WSB2: variants seen among roughly 807,000 people sequenced by gnomAD.
WSB2 encodes the protein WD repeat and SOCS box-containing protein 2.
In WSB2, 12 loss-of-function variants were observed where a neutral mutation model predicts 48.8. The ratio of observed to expected loss-of-function variants is 0.25; its 90% CI spans 0.16 to 0.40. The LOEUF (loss-of-function observed/expected upper bound fraction) is 0.40. Ranked by LOEUF, WSB2 falls within the 10% of genes least tolerant of loss-of-function variation. The pLI, the probability that WSB2 is intolerant of heterozygous loss-of-function variation, is 1.00. For synonymous variants in WSB2, 191 were observed against 203.1 expected (o/e 0.94, Z 0.51); for missense variants, 317 against 506.2 (o/e 0.63, Z 3.59).
chr12:118,058,548 T>G (rs1164328949), intron 1 of WSB2, among the ~76,000 whole-genome samples: 1 of 151,894 alleles, frequency 6.6e-6, no homozygotes, highest in Non-Finnish European at 1.5e-5. Flanking sequence ...GATGGGGTTT[T>G]GCCATGCTGC....
rs1375714083 is a variant in WSB2 at position 118,060,492 on chromosome 12, C to T, written c.13+544G>A. Among the ~76,000 whole-genome samples the T allele has an allele frequency of 6.6e-6, 1 of 152,128 alleles. No individual in the cohort carries two copies. Among genetic ancestry groups the T allele is most frequent in the East Asian group, 1.9e-4 (1 of 5,168 alleles). On this transcript the variant is annotated intron_variant, in intron 1 of 8. Transcript: ENST00000315436. The surrounding 1 kb of genome is among the most constrained non-coding windows in gnomAD (Gnocchi z 4.1). The stretch of plus-strand genomic sequence containing the variant: ...AATAGGGAACCCAGACCCCAGACCC[C>T]ATTTTTACCGGGTCCCAGCCACCCT...
chr12:118,048,949 C>T (rs993469128), intron 2 of WSB2, among the ~76,000 whole-genome samples: 2 of 152,160 alleles, frequency 1.3e-5, no homozygotes, highest in Admixed American at 6.5e-5. Flanking sequence ...CAAGCCCAGG[C>T]CCTTCCTTCT....
intron 4 of WSB2, among the ~76,000 whole-genome samples, chr12:118,039,245 T>G (rs960568935): frequency 3.3e-5 from 5 of 152,262 alleles, no homozygotes; most frequent in African/African-American, 1.2e-4. Flanking sequence ...CCCTGCTAAT[T>G]CAGCAGATAA....
chr12:118,058,509 C>T (rs993216974), intron 1 of WSB2, among the ~76,000 whole-genome samples: 3 of 151,710 alleles, frequency 2.0e-5, no homozygotes, highest in African/African-American at 4.8e-5. Flanking sequence ...CTACCATGCA[C>T]GCGCCTATAG....
Position 118,043,390 on chromosome 12 carries a change from G to T in WSB2, c.183-13C>A. ...CCCTTTAGGGATGCTGGGAGAAGCA[G>T]AGATTTCTTAATGAATCTGCAATTG... is the stretch of plus-strand genomic sequence containing the variant. On this transcript the variant is annotated splice_polypyrimidine_tract_variant and intron_variant, in intron 2 of 8. Coordinates refer to ENST00000315436, the MANE Select transcript of WSB2 (RefSeq NM_018639.5). 1 of 1,527,126 alleles carries T rather than the reference G, an allele frequency of 6.5e-7. No individual in the cohort carries two copies. The allele number at this position is 1,527,126 out of a possible 1,614,324, so 94.6% of individuals were successfully genotyped here.
At chr12:118,049,406 A>ATT (rs999482589) in intron 2 of WSB2, among the ~76,000 whole-genome samples, 3 of 146,550 alleles carry the variant, frequency 2.0e-5, no homozygotes, top group South Asian at 2.2e-4. Context: ...CATTTCTGAG[A>ATT]TTTTTTTTTT....
chr12:118,035,380 C>G, intron 6 of WSB2, 56 bp from the exon 7 acceptor site: 1 of 1,509,490 alleles, frequency 6.6e-7, no homozygotes, highest in Non-Finnish European at 9.2e-7. Flanking sequence ...TCTCCACCCT[C>G]CATCATCACC....
At chr12:118,038,189 G>T in intron 5 of WSB2, 99 bp downstream of exon 5, 1 of 1,159,146 alleles carries the variant, frequency 8.6e-7, no homozygotes, top group Non-Finnish European at 1.2e-6. Flanking sequence ...TTCTATTGGG[G>T]TGGATTTGCG....
In WSB2 at chr12:118,040,379, A is replaced by G. The variant is rs564887539; in HGVS notation, c.560-1991T>C. Among the ~76,000 whole-genome samples, 12 of 152,226 alleles carry G rather than the reference A, an allele frequency of 7.9e-5. No individual in the cohort carries two copies. In the South Asian group the frequency reaches 2.3e-3, roughly 29 times the overall value. ...CACTCTCACTTGGTCTTTCCTTCCA[A>G]GTCATCAAGTGATTTCCAGAGCCAC... On this transcript the variant is annotated intron_variant, in intron 4 of 8. Coordinates refer to ENST00000315436, the MANE Select transcript of WSB2 (RefSeq NM_018639.5).
intron 2 of WSB2, 29 bp from the exon 3 acceptor site, chr12:118,043,406 T>A (rs755777268): frequency 1.3e-6 from 2 of 1,522,072 alleles, no homozygotes; most frequent in Non-Finnish European, 8.8e-7. Flanking sequence ...TCTTAATGAA[T>A]CTGCAATTGT....
intron 4 of WSB2, among the ~76,000 whole-genome samples, chr12:118,039,743 TA>T (rs1201941206): frequency 3.3e-5 from 5 of 151,886 alleles, no homozygotes; most frequent in South Asian, 2.1e-4. Context: ...ATTTCTTTTT[TA>T]TTTTTTTTTA....
upstream of WSB2, chr12:118,061,201 C>T (rs1156858585): frequency 8.2e-6 from 8 of 980,346 alleles, no homozygotes; most frequent in African/African-American, 1.1e-4. Context: ...GCGGTGGGCG[C>T]GGGCGGAGAC....
intron 4 of WSB2, 23 bp downstream of exon 4, chr12:118,042,818 A>G (rs957794833): frequency 6.2e-7 from 1 of 1,609,276 alleles, no homozygotes; most frequent in East Asian, 2.2e-5. Flanking sequence ...GGAGTTGCCG[A>G]GTAGTTCCTT....
intron 2 of WSB2, among the ~76,000 whole-genome samples, chr12:118,051,292 A>G (rs2031847799): frequency 6.6e-6 from 1 of 152,188 alleles, no homozygotes; most frequent in South Asian, 2.1e-4. Context: ...ACACCTCCTC[A>G]AATAGTTAAA....
At chr12:118,054,217 C>CAAAAAAAA (rs61421772) in intron 1 of WSB2, among the ~76,000 whole-genome samples, 78 of 56,032 alleles carry the variant, frequency 1.4e-3, no homozygotes, top group Middle Eastern at 0.012. Flanking sequence ...ACTAAAAATC[C>CAAAAAAAA]AAAAAAAAAA....
chr12:118,051,487 T>C (rs758781352), intron 2 of WSB2, among the ~76,000 whole-genome samples: 52 of 152,272 alleles, frequency 3.4e-4, no homozygotes, highest in Middle Eastern at 3.4e-3. Context: ...GTGAAAACAT[T>C]ATGTAAAATG....
chr12:118,034,126 CATT>C lies in WSB2; in HGVS notation c.*67_*69del. On this transcript the variant is annotated 3_prime_UTR_variant, in exon 9 of 9. Coordinates refer to ENST00000315436, the MANE Select transcript of WSB2 (RefSeq NM_018639.5). ...TCAATGCAAGACCAGATGTTTGGCC[CATT>C]ATTCCAGCAACTCCCTTTGACAGGA... The C allele has an allele frequency of 1.3e-6, 2 of 1,586,938 alleles. No homozygotes were observed. The highest frequency in any genetic ancestry group is 1.7e-6 in the Non-Finnish European group (2 of 1,159,022).
chr12:118,034,058 TG>T lies in WSB2; in HGVS notation c.*137del. 8.5e-7 allele frequency: 1 copy of T among 1,181,168 alleles called. No individual in the cohort carries two copies. The highest frequency in any genetic ancestry group is 1.2e-6 in the Non-Finnish European group (1 of 820,516). The allele number at this position is 1,181,168 out of a possible 1,614,324, so 73.2% of individuals were successfully genotyped here. Reference sequence around the variant, plus strand: ...GATCCATGACTAGTACACTGGAATCTGGTTTTGCTACATTCTATTCACAATC... The same window carrying T: ...GATCCATGACTAGTACACTGGAATCTGTTTTGCTACATTCTATTCACAATC... On this transcript the variant is annotated 3_prime_UTR_variant, in exon 9 of 9. Transcript: ENST00000315436.
chr12:118,049,555 C>G (rs2031808995), intron 2 of WSB2, among the ~76,000 whole-genome samples: 1 of 152,090 alleles, frequency 6.6e-6, no homozygotes, highest in Non-Finnish European at 1.5e-5. Flanking sequence ...GTGCACACCA[C>G]CACACCTGGC....
Sources: allele counts gnomAD v4.1 joint callset (sites outside exome capture counted in the v4.1 genomes callset), GRCh38; gene constraint gnomAD v4.1.1; non-coding constraint Gnocchi (gnomAD v3.1); transcripts MANE v1.5; gene names NCBI Gene and HGNC (gene_info 2026-07-23, HGNC 2026-07-21).